The following MEMO1 variants were observed in gnomAD, a reference collection of about 807,000 sequenced individuals.
MEMO1 encodes mediator of cell motility 1, also known as protein MEMO1.
Under a neutral mutation model 45.2 loss-of-function variants are expected in MEMO1, and 6 were observed. The ratio of observed to expected loss-of-function variants is 0.13; its 90% CI spans 0.07 to 0.26. MEMO1 has a LOEUF of 0.26. MEMO1 is among the 10% of genes least tolerant of loss of function. MEMO1 has a pLI of 1.00. For missense variants in MEMO1, 184 were observed against 370.5 expected, an observed-to-expected ratio of 0.50 and a Z score of 4.13; for synonymous variants, 78 against 124.3, an observed-to-expected ratio of 0.63 and a Z score of 2.48.
At chr2:31,922,941 A>T (rs1682536334) in intron 4 of MEMO1, among the ~76,000 whole-genome samples, 1 of 152,054 alleles carries the variant, frequency 6.6e-6, no homozygotes, top group South Asian at 2.1e-4. Context: ...ACACATGTGT[A>T]CATATGTCTT....
chr2:31,902,963 AT>A (rs1178024922), intron 6 of MEMO1, among the ~76,000 whole-genome samples: 5 of 152,160 alleles, frequency 3.3e-5, no homozygotes, highest in Non-Finnish European at 5.9e-5. Context: ...TAATAAAAAA[AT>A]ACACGCGATA....
chr2:31,944,005 C>A (rs1665918184), intron 2 of MEMO1, among the ~76,000 whole-genome samples: 1 of 152,202 alleles, frequency 6.6e-6, no homozygotes, highest in African/African-American at 2.4e-5. Flanking sequence ...TTCGTCTCTA[C>A]TTCTTACCTA....
intron 3 of MEMO1, among the ~76,000 whole-genome samples, chr2:31,939,786 A>T (rs561712813): frequency 1.3e-5 from 2 of 152,322 alleles, no homozygotes; most frequent in East Asian, 3.9e-4. Context: ...TCACAAATGA[A>T]ATAAAAATCC....
intron 3 of MEMO1, among the ~76,000 whole-genome samples, chr2:31,938,940 C>T (rs1295152495): frequency 1.3e-5 from 2 of 151,532 alleles, no homozygotes; most frequent in Non-Finnish European, 2.9e-5. Context: ...GCTCATGCCA[C>T]CACACCCAGC....
intron 2 of MEMO1, among the ~76,000 whole-genome samples, chr2:31,994,629 TA>T (rs963076418): frequency 4.7e-5 from 7 of 148,396 alleles, no homozygotes; most frequent in Non-Finnish European, 7.5e-5. Context: ...AGACTTTGTC[TA>T]AAAAAAAAAT....
At chr2:31,956,988 A>G (rs978929584) in intron 2 of MEMO1, among the ~76,000 whole-genome samples, 1 of 152,082 alleles carries the variant, frequency 6.6e-6, no homozygotes, top group Non-Finnish European at 1.5e-5. Flanking sequence ...CTAAAAATAC[A>G]AAAATTAACT....
In MEMO1 at chr2:31,894,673, C is replaced by T. The variant is rs186130131; in HGVS notation, c.438-2539G>A. Among the ~76,000 whole-genome samples the T allele has an allele frequency of 4.6e-5, 7 of 152,216 alleles. No homozygotes were observed. The East Asian group carries it at 1.4e-3, about 29-fold the overall frequency. ...GCGTATGCACAGGGGAAGCTGGAAA[C>T]CTGAGAGACCTAGCTCTCCACACAC... On this transcript the variant is annotated intron_variant, in intron 6 of 9. Transcript: ENST00000404530.
intron 2 of MEMO1, among the ~76,000 whole-genome samples, chr2:31,964,463 G>A (rs1339288005): frequency 2.6e-5 from 4 of 152,230 alleles, no homozygotes; most frequent in East Asian, 3.9e-4. Context: ...TTGGGAGGCC[G>A]AGGCGGGTGG....
chr2:32,004,963 GATCTAAT>G (rs1673870569), intron 2 of MEMO1, among the ~76,000 whole-genome samples: 1 of 150,238 alleles, frequency 6.7e-6, no homozygotes, highest in Non-Finnish European at 1.5e-5. Context: ...CATAGACCAT[GATCTAAT>G]CACTCCACCC....
chr2:31,917,840 A>G, intron 6 of MEMO1, 86 bp downstream of exon 6: 6 of 822,026 alleles, frequency 7.3e-6, no homozygotes, highest in Non-Finnish European at 1.1e-5. Flanking sequence ...CCTTACCCTG[A>G]TAATTACTAG....
At chr2:31,875,518 G>A (rs544003452) in intron 8 of MEMO1, among the ~76,000 whole-genome samples, 125 of 152,140 alleles carry the variant, frequency 8.2e-4, no homozygotes, top group Non-Finnish European at 1.5e-3. Flanking sequence ...AAGCCTTCCT[G>A]AGTTCCAAAC....
chr2:31,957,931 T>C (rs577572062), intron 2 of MEMO1, among the ~76,000 whole-genome samples: 2 of 152,354 alleles, frequency 1.3e-5, no homozygotes, highest in East Asian at 3.9e-4. Context: ...GCACTAGTAC[T>C]GCAAGTGCCA....
chr2:31,943,472 T>G, intron 2 of MEMO1, 89 bp from the exon 3 acceptor site: 1 of 937,330 alleles, frequency 1.1e-6, no homozygotes. Context: ...TGAACTTATG[T>G]GGGACTAAAC....
At chr2:31,996,775 T>C (rs895545955) in intron 2 of MEMO1, among the ~76,000 whole-genome samples, 4 of 152,144 alleles carry the variant, frequency 2.6e-5, no homozygotes, top group Non-Finnish European at 4.4e-5. Context: ...CTGTCACCCA[T>C]GCTGGAGTGT....
In MEMO1 at chr2:31,967,672, G is replaced by A. The variant is rs192004343; in HGVS notation, c.62-24289C>T. Among the ~76,000 whole-genome samples, 37 of 151,754 alleles carry A rather than the reference G, an allele frequency of 2.4e-4. 1 individual carries two copies. The East Asian group carries it at 4.3e-3, about 18-fold the overall frequency. Reference sequence around the variant, plus strand: ...TTGTCCAAGCTGGTCTCAAACTCCTGGGCTCAAGTGATCCATCCAGCTTGG... The same window carrying A: ...TTGTCCAAGCTGGTCTCAAACTCCTAGGCTCAAGTGATCCATCCAGCTTGG... On this transcript the variant is annotated intron_variant, in intron 2 of 9. Transcript: ENST00000404530.
At chr2:31,972,974 G>A (rs1011583143) in intron 2 of MEMO1, among the ~76,000 whole-genome samples, 2 of 152,088 alleles carry the variant, frequency 1.3e-5, no homozygotes, top group African/African-American at 4.8e-5. Context: ...ATACCTACTA[G>A]GATGGCTATT....
chr2:31,927,011 T>C (rs1683210905), intron 4 of MEMO1, among the ~76,000 whole-genome samples: 1 of 152,038 alleles, frequency 6.6e-6, no homozygotes, highest in African/African-American at 2.4e-5. Context: ...ATTCAAACTG[T>C]AAAACAGACA....
chr2:31,874,928 T>TAC (rs978318904), intron 8 of MEMO1, among the ~76,000 whole-genome samples: 20 of 151,892 alleles, frequency 1.3e-4, no homozygotes, highest in Non-Finnish European at 2.5e-4. Flanking sequence ...CATATATATA[T>TAC]ACATAGGTAA....
At chr2:31,891,336 G>A (rs538398233) in intron 7 of MEMO1, among the ~76,000 whole-genome samples, 2 of 152,218 alleles carry the variant, frequency 1.3e-5, no homozygotes, top group South Asian at 2.1e-4. Flanking sequence ...TAGAAGCAAC[G>A]TTTACTAAAA....
Sources: allele counts gnomAD v4.1 joint callset (sites outside exome capture counted in the v4.1 genomes callset), GRCh38; gene constraint gnomAD v4.1.1; transcripts MANE v1.5; gene names NCBI Gene and HGNC (gene_info 2026-07-23, HGNC 2026-07-21).